The following GPC5 variants were observed in gnomAD, a reference collection of about 807,000 sequenced individuals.
The protein encoded by GPC5 is glypican-5.
In GPC5, 47 loss-of-function variants were observed where a neutral mutation model predicts 53.9. The ratio of observed to expected loss-of-function variants is 0.87; its 90% CI spans 0.69 to 1.11. The LOEUF is 1.11. GPC5 is among the 50% of genes most tolerant of loss of function. GPC5 has a pLI of 0.00. For missense variants in GPC5, 748 were observed against 713.1 expected, an observed-to-expected ratio of 1.05 and a Z score of -0.56; for synonymous variants, 286 against 263.3, an observed-to-expected ratio of 1.09 and a Z score of -0.84.
chr13:92,142,173 G>A (rs1271272231), intron 6 of GPC5, among the ~76,000 whole-genome samples: 89 of 152,292 alleles, frequency 5.8e-4, no homozygotes, highest in Non-Finnish European at 2.9e-5. Flanking sequence ...TTGTGCACAT[G>A]TACCCTAGAA....
At chr13:92,171,639 A>G (rs1218382320) in intron 7 of GPC5, among the ~76,000 whole-genome samples, 1 of 152,148 alleles carries the variant, frequency 6.6e-6, no homozygotes, top group African/African-American at 2.4e-5. Flanking sequence ...TTCTTGAATT[A>G]TGTTTTTCCT....
intron 6 of GPC5, among the ~76,000 whole-genome samples, chr13:91,989,747 A>G (rs549171726): frequency 4.3e-4 from 66 of 152,208 alleles, no homozygotes; most frequent in Non-Finnish European, 9.0e-4. Context: ...ACTATTTTGC[A>G]AGAATTATAT....
intron 2 of GPC5, among the ~76,000 whole-genome samples, chr13:91,615,292 A>G (rs9589307): frequency 0.011 from 1,723 of 152,328 alleles, 27 homozygotes; most frequent in African/African-American, 0.04. Flanking sequence ...ATGGCACAAG[A>G]TAATTCCCAC....
At chr13:92,230,659 G>A (rs751951814) in intron 7 of GPC5, among the ~76,000 whole-genome samples, 11 of 152,042 alleles carry the variant, frequency 7.2e-5, no homozygotes, top group Middle Eastern at 3.2e-3. Context: ...TAGCAAACTC[G>A]AGATATAGCT....
chr13:91,989,467 G>GTAAAGT (rs1199794175), intron 6 of GPC5, among the ~76,000 whole-genome samples: 1 of 152,142 alleles, frequency 6.6e-6, no homozygotes, highest in Non-Finnish European at 1.5e-5. Flanking sequence ...ACTTACAAAT[G>GTAAAGT]AATGGCTCTT....
At chr13:92,745,910 T>C (rs1009968432) in intron 7 of GPC5, among the ~76,000 whole-genome samples, 4 of 152,150 alleles carry the variant, frequency 2.6e-5, no homozygotes, top group Non-Finnish European at 5.9e-5. Context: ...ACATGATTTA[T>C]TCTTTTTCCT....
chr13:92,269,376 AT>A (rs557782167), intron 7 of GPC5, among the ~76,000 whole-genome samples: 2,421 of 151,818 alleles, frequency 0.016, 56 homozygotes, highest in Non-Finnish European at 0.018. Flanking sequence ...TAGTAGCTTT[AT>A]TTTTTTAGAC....
At chr13:91,540,492 A>G (rs2138740320) in intron 2 of GPC5, among the ~76,000 whole-genome samples, 1 of 152,294 alleles carries the variant, frequency 6.6e-6, no homozygotes, top group South Asian at 2.1e-4. Flanking sequence ...CTGCTAACCG[A>G]TACAGGGTGT....
intron 5 of GPC5, among the ~76,000 whole-genome samples, chr13:91,879,927 T>A (rs890548114): frequency 1.4e-4 from 22 of 152,166 alleles, no homozygotes; most frequent in African/African-American, 5.3e-4. Context: ...TAAGAGATAC[T>A]GTTTAGTAAT....
At chr13:92,101,582 G>A (rs1429148733) in intron 6 of GPC5, among the ~76,000 whole-genome samples, 1 of 152,126 alleles carries the variant, frequency 6.6e-6, no homozygotes, top group South Asian at 2.1e-4. Flanking sequence ...GAATTTCTCT[G>A]CAATTAGGAT....
At chr13:91,428,608 A>G (rs1340004216) in intron 1 of GPC5, among the ~76,000 whole-genome samples, 3 of 152,084 alleles carry the variant, frequency 2.0e-5, no homozygotes. Context: ...GTTGAGTTTC[A>G]CTGGGGACCT....
chr13:91,852,424 A>C (rs1375174652), intron 5 of GPC5, among the ~76,000 whole-genome samples: 2 of 151,876 alleles, frequency 1.3e-5, no homozygotes, highest in Non-Finnish European at 2.9e-5. Context: ...CCTTCTTTAA[A>C]AATACTTCTG....
At chr13:92,282,672 C>T (rs2042924828) in intron 7 of GPC5, among the ~76,000 whole-genome samples, 1 of 152,098 alleles carries the variant, frequency 6.6e-6, no homozygotes, top group Non-Finnish European at 1.5e-5. Context: ...AAATAAAATG[C>T]TTTACAGACA....
chr13:91,605,501 G>A (rs1465169017), intron 2 of GPC5, among the ~76,000 whole-genome samples: 1 of 20,074 alleles, frequency 5.0e-5, no homozygotes, highest in Non-Finnish European at 9.7e-5. Flanking sequence ...AAAGTCATTG[G>A]TAGCTTGATG....
intron 7 of GPC5, among the ~76,000 whole-genome samples, chr13:92,564,281 A>G (rs1882796640): frequency 6.6e-6 from 1 of 151,958 alleles, no homozygotes; most frequent in Non-Finnish European, 1.5e-5. Flanking sequence ...TAGGTTTTGC[A>G]TGGATCCATC....
chr13:92,812,954 T>A (rs1023309500), intron 7 of GPC5, among the ~76,000 whole-genome samples: 1 of 151,996 alleles, frequency 6.6e-6, no homozygotes, highest in African/African-American at 2.4e-5. Flanking sequence ...ATTTTCCTCA[T>A]CAGTCTTATC....
chr13:92,524,125 A>G (rs545339158), intron 7 of GPC5, among the ~76,000 whole-genome samples: 3 of 152,078 alleles, frequency 2.0e-5, no homozygotes, highest in Non-Finnish European at 2.9e-5. Context: ...GCTTCCTTTC[A>G]TGAAAGATTT....
At chr13:91,519,708 A>G (rs928206295) in intron 2 of GPC5, among the ~76,000 whole-genome samples, 1 of 152,196 alleles carries the variant, frequency 6.6e-6, no homozygotes, top group Non-Finnish European at 1.5e-5. Context: ...AATAATACAT[A>G]TGGGGATTAT....
At chr13:92,082,400 GA>G (rs940109298) in intron 6 of GPC5, among the ~76,000 whole-genome samples, 2 of 152,058 alleles carry the variant, frequency 1.3e-5, no homozygotes, top group African/African-American at 4.8e-5. Flanking sequence ...GATTTCATTT[GA>G]CCAAGGCTAA....
Sources: gnomAD v4.1 joint callset for allele counts (sites outside exome capture counted in the v4.1 genomes callset) on GRCh38, gnomAD v4.1.1 for gene constraint, MANE v1.5 for transcripts, NCBI Gene and HGNC (gene_info 2026-07-23, HGNC 2026-07-21) for gene names.